PATJ: variants seen among roughly 807,000 people sequenced by gnomAD.
PATJ encodes inaD-like protein.
PATJ carries 190 observed loss-of-function variants against 224.9 expected under a neutral mutation model. The ratio of observed to expected loss-of-function variants is 0.84; its 90% CI spans 0.75 to 0.95. The LOEUF (loss-of-function observed/expected upper bound fraction) is 0.95. PATJ is among the 40% of genes least tolerant of loss of function. The pLI, the probability that PATJ is intolerant of heterozygous loss-of-function variation, is 0.00. For synonymous variants in PATJ, 769 were observed against 820.3 expected (o/e 0.94, Z 1.07); for missense variants, 2,121 against 2,270.3 (o/e 0.93, Z 1.34).
chr1:61,819,805 G>A (rs1281479353), intron 14 of PATJ, among the ~76,000 whole-genome samples: 2 of 152,192 alleles, frequency 1.3e-5, no homozygotes, highest in Middle Eastern at 3.4e-3. Context: ...TTAATCACTT[G>A]TCCCACCTGC....
intron 7 of PATJ, among the ~76,000 whole-genome samples, chr1:61,781,567 A>G (rs2148445650): frequency 6.6e-6 from 1 of 152,332 alleles, no homozygotes; most frequent in Non-Finnish European, 1.5e-5. Flanking sequence ...AATTCTCAGC[A>G]CACCTACATC....
intron 28 of PATJ, among the ~76,000 whole-genome samples, chr1:62,010,132 A>T (rs1646354635): frequency 6.6e-6 from 1 of 151,454 alleles, no homozygotes; most frequent in Non-Finnish European, 1.5e-5. Flanking sequence ...TTGCTCATCC[A>T]TAGGAAGCAG....
At chr1:61,979,328 C>T (rs970000919) in intron 27 of PATJ, among the ~76,000 whole-genome samples, 3 of 152,054 alleles carry the variant, frequency 2.0e-5, no homozygotes, top group Admixed American at 2.0e-4. Context: ...TCCTTCCCAT[C>T]TTAGGTTAAT....
At chr1:62,133,318 A>C (rs1402423929) in intron 41 of PATJ, among the ~76,000 whole-genome samples, 1 of 152,212 alleles carries the variant, frequency 6.6e-6, no homozygotes, top group Non-Finnish European at 1.5e-5. Flanking sequence ...GTGGTGGCTC[A>C]TACCTGTAAT....
intron 35 of PATJ, among the ~76,000 whole-genome samples, chr1:62,116,164 A>G (rs1320896863): frequency 6.6e-6 from 1 of 152,246 alleles, no homozygotes; most frequent in African/African-American, 2.4e-5. Context: ...GATGAGATGT[A>G]TAGTTCTCAA....
chr1:62,058,972 T>C (rs774257328), intron 31 of PATJ, among the ~76,000 whole-genome samples: 4 of 152,160 alleles, frequency 2.6e-5, no homozygotes, highest in African/African-American at 4.8e-5. Flanking sequence ...AAAATCCAGG[T>C]TTCCATTTTC....
chr1:61,878,263 A>G (rs1370758231), intron 21 of PATJ, among the ~76,000 whole-genome samples: 1 of 152,136 alleles, frequency 6.6e-6, no homozygotes, highest in Non-Finnish European at 1.5e-5. Flanking sequence ...GGGGAGGCAG[A>G]CATCAGCAAA....
intron 28 of PATJ, 113 bp from the exon 29 acceptor site, chr1:62,017,743 A>AG (rs372936285): frequency 0.015 from 7,696 of 515,182 alleles, 25 homozygotes; most frequent in Middle Eastern, 0.035. Context: ...AAAAAAAAAA[A>AG]AAAAGAAAAG....
intron 27 of PATJ, among the ~76,000 whole-genome samples, chr1:61,984,620 G>A (rs1186923787): frequency 6.6e-6 from 1 of 152,036 alleles, no homozygotes; most frequent in East Asian, 1.9e-4. Context: ...AATAAAGTCA[G>A]AACAAGATAG....
In PATJ at chr1:61,845,706, TA is replaced by T. The variant is rs1661828351; in HGVS notation, c.2113-10319del. 2.0e-5 allele frequency among the ~76,000 whole-genome samples: 3 copies of T among 152,288 alleles called. No homozygotes were observed. In the South Asian group the frequency reaches 6.2e-4, roughly 32 times the overall value. On this transcript the variant is annotated intron_variant, in intron 17 of 43. Coordinates refer to ENST00000642238, the MANE Select transcript of PATJ (RefSeq NM_001350145.3). Reference sequence around the variant, plus strand: ...CAACACTGGTTGACCTTTCAAGGATTAAAAAGAGCAAAACACTGCAGAATCT... The same window carrying T: ...CAACACTGGTTGACCTTTCAAGGATTAAAAGAGCAAAACACTGCAGAATCT...
chr1:62,063,411 T>C (rs1320985159), intron 31 of PATJ, among the ~76,000 whole-genome samples: 4 of 152,228 alleles, frequency 2.6e-5, no homozygotes, highest in Admixed American at 6.5e-5. Flanking sequence ...ATTATAGCTA[T>C]ATAGTATAGT....
At chr1:61,847,949 TA>T (rs1553178507) in intron 17 of PATJ, among the ~76,000 whole-genome samples, 1 of 149,008 alleles carries the variant, frequency 6.7e-6, no homozygotes, top group Non-Finnish European at 1.5e-5. Flanking sequence ...TGTTTTTTTT[TA>T]TAGTAAATAC....
At chr1:61,911,952 A>G (rs1449046850) in intron 25 of PATJ, among the ~76,000 whole-genome samples, 1 of 149,432 alleles carries the variant, frequency 6.7e-6, no homozygotes. Flanking sequence ...TACATAAATG[A>G]CACATTTCTG....
chr1:61,939,317 T>TCACGCA (rs1677400948), intron 27 of PATJ, among the ~76,000 whole-genome samples: 1 of 142,484 alleles, frequency 7.0e-6, no homozygotes, highest in Admixed American at 7.2e-5. Flanking sequence ...AACTTTGCAT[T>TCACGCA]CACACACACA....
chr1:62,069,321 T>G (rs189554678), intron 31 of PATJ, among the ~76,000 whole-genome samples: 1 of 152,342 alleles, frequency 6.6e-6, no homozygotes, highest in East Asian at 1.9e-4. Flanking sequence ...TGTGCCGCAG[T>G]TACCTCAGCT....
At chr1:62,124,141 G>C (rs1227028610) in intron 39 of PATJ, among the ~76,000 whole-genome samples, 4 of 151,886 alleles carry the variant, frequency 2.6e-5, no homozygotes, top group African/African-American at 9.7e-5. Context: ...GGAATGCAGT[G>C]GTGCAATCTC....
chr1:62,065,481 G>A lies in PATJ; in HGVS notation c.4126-13969G>A, dbSNP rs145344199. On this transcript the variant is annotated intron_variant, in intron 31 of 43. Transcript: ENST00000642238. The stretch of plus-strand genomic sequence containing the variant: ...CAAAAATTAGCCCTGCATAGTTGGC[G>A]CTTGCCTGTAATTCCAGCTACTCGA... 5.3e-5 allele frequency among the ~76,000 whole-genome samples: 8 copies of A among 152,186 alleles called. No individual in the cohort carries two copies. The East Asian group carries it at 5.8e-4, about 11-fold the overall frequency.
intron 11 of PATJ, among the ~76,000 whole-genome samples, chr1:61,800,890 TC>T (rs984015623): frequency 3.3e-5 from 5 of 152,184 alleles, no homozygotes. Flanking sequence ...TTCACCCATG[TC>T]CCTACAAAGG....
intron 21 of PATJ, among the ~76,000 whole-genome samples, chr1:61,877,745 A>G (rs1667530276): frequency 1.3e-5 from 2 of 152,170 alleles, no homozygotes; most frequent in Non-Finnish European, 2.9e-5. Flanking sequence ...TTTTCTTTAT[A>G]AATTACCCAG....
Sources: gnomAD v4.1 joint callset for allele counts (sites outside exome capture counted in the v4.1 genomes callset) on GRCh38, gnomAD v4.1.1 for gene constraint, MANE v1.5 for transcripts, NCBI Gene and HGNC (gene_info 2026-07-23, HGNC 2026-07-21) for gene names.